The following N4BP2L2 variants were observed in gnomAD, a reference collection of about 807,000 sequenced individuals.
N4BP2L2 encodes the protein NEDD4 binding protein 2 like 2.
Under a neutral mutation model 56.2 loss-of-function variants are expected in N4BP2L2, and 50 were observed. The ratio of observed to expected loss-of-function variants is 0.89; its 90% CI spans 0.71 to 1.13. The LOEUF is 1.13. Ranked by LOEUF, N4BP2L2 falls within the 50% of genes most tolerant of loss-of-function variation. The pLI is 0.00. For synonymous variants in N4BP2L2, 203 were observed against 223.6 expected, an observed-to-expected ratio of 0.91 and a Z score of 0.82; for missense variants, 689 against 693.8, an observed-to-expected ratio of 0.99 and a Z score of 0.08.
chr13:32,484,643 C>A (rs1329106244), intron 6 of N4BP2L2, among the ~76,000 whole-genome samples: 1 of 152,062 alleles, frequency 6.6e-6, no homozygotes, highest in African/African-American at 2.4e-5. Flanking sequence ...CGCCACCACG[C>A]CCAGCTAATT....
At chr13:32,531,020 G>C (rs2054622998) in intron 2 of N4BP2L2, among the ~76,000 whole-genome samples, 1 of 152,074 alleles carries the variant, frequency 6.6e-6, no homozygotes, top group African/African-American at 2.4e-5. Context: ...GAAGCCTCCA[G>C]TCTCTAGCCA....
intron 6 of N4BP2L2, among the ~76,000 whole-genome samples, chr13:32,465,533 C>T (rs903434165): frequency 2.7e-5 from 4 of 150,288 alleles, no homozygotes. Context: ...GTCATACACA[C>T]AGCCACAAAA....
In N4BP2L2 at chr13:32,466,669, A is replaced by T. The variant is rs116589973; in HGVS notation, c.366-22543T>A. ...TTTATGCTATAAAGAAAAGGAAGGG[A>T]TCAACAAATACAAAACTCAAGATAG... On this transcript the variant is annotated intron_variant, in intron 6 of 9. Transcript: ENST00000357505. 9.1e-4 allele frequency among the ~76,000 whole-genome samples: 139 copies of T among 152,356 alleles called. 2 individuals are homozygous for T. Among genetic ancestry groups the T allele is most frequent in the African/African-American group, 3.3e-3 (138 of 41,586 alleles).
intron 6 of N4BP2L2, among the ~76,000 whole-genome samples, chr13:32,450,450 A>G (rs1217425583): frequency 6.6e-6 from 1 of 150,712 alleles, no homozygotes; most frequent in Non-Finnish European, 1.5e-5. Context: ...TCAGCCTCCC[A>G]AGTAGCTGGG....
At chr13:32,484,055 A>G (rs1402904136) in intron 6 of N4BP2L2, among the ~76,000 whole-genome samples, 1 of 152,026 alleles carries the variant, frequency 6.6e-6, no homozygotes, top group Non-Finnish European at 1.5e-5. Flanking sequence ...AACTTACATA[A>G]TCCAAGCACT....
intron 1 of N4BP2L2, among the ~76,000 whole-genome samples, chr13:32,537,243 T>C (rs1401452165): frequency 1.3e-5 from 2 of 151,730 alleles, no homozygotes; most frequent in African/African-American, 2.4e-5. Context: ...AATATCCTTT[T>C]TGAAAAATAT....
At chr13:32,442,806 A>G (rs1426902645) in exon 7 of N4BP2L2, 9 of 1,613,854 alleles carry the variant, frequency 5.6e-6, no homozygotes, top group Non-Finnish European at 7.6e-6. Flanking sequence ...ATGACAGGCA[A>G]TGAGAATAAC....
chr13:32,486,324 C>G (rs1211042093), intron 6 of N4BP2L2, among the ~76,000 whole-genome samples: 1 of 152,086 alleles, frequency 6.6e-6, no homozygotes, highest in African/African-American at 2.4e-5. Context: ...TGTCTATTTG[C>G]AGATAATAGG....
chr13:32,461,410 C>G (rs979674061), intron 6 of N4BP2L2, among the ~76,000 whole-genome samples: 2 of 151,988 alleles, frequency 1.3e-5, no homozygotes, highest in African/African-American at 4.8e-5. Context: ...ACTCAAACAA[C>G]AGCAACCCAA....
chr13:32,470,111 G>A (rs965840854), intron 6 of N4BP2L2, among the ~76,000 whole-genome samples: 4 of 152,154 alleles, frequency 2.6e-5, no homozygotes, highest in African/African-American at 9.7e-5. Context: ...TATGCATTGT[G>A]TATCTCTCCC....
chr13:32,504,047 C>T (rs929544321), intron 6 of N4BP2L2, among the ~76,000 whole-genome samples: 1 of 152,072 alleles, frequency 6.6e-6, no homozygotes, highest in Non-Finnish European at 1.5e-5. Context: ...AATTCTGAAC[C>T]TGGGGTCCCC....
At chr13:32,509,665 C>A (rs2091466995), downstream of N4BP2L2, among the ~76,000 whole-genome samples, 1 of 152,154 alleles carries the variant, frequency 6.6e-6, no homozygotes, top group African/African-American at 2.4e-5. Flanking sequence ...AGATAAATGT[C>A]TTAACTGCAT....
chr13:32,512,949 G>C (rs375182769), exon 6 of N4BP2L2: 5 of 151,950 alleles, frequency 3.3e-5, no homozygotes, highest in Non-Finnish European at 7.4e-5. Context: ...GGAGAATGGC[G>C]TGAACCCGGG....
chr13:32,459,774 G>A (rs1305061680), intron 6 of N4BP2L2, among the ~76,000 whole-genome samples: 1 of 152,024 alleles, frequency 6.6e-6, no homozygotes, highest in Admixed American at 6.6e-5. Context: ...CAAAAAAAAT[G>A]AAGAGGAGGG....
intron 6 of N4BP2L2, among the ~76,000 whole-genome samples, chr13:32,475,372 C>T (rs1050300132): frequency 1.3e-5 from 2 of 152,136 alleles, no homozygotes; most frequent in Admixed American, 6.6e-5. Flanking sequence ...AGAAAGCTTC[C>T]TCATGCAGAG....
At chr13:32,442,304 C>G in intron 7 of N4BP2L2, 1 of 1,198,888 alleles carries the variant, frequency 8.3e-7, no homozygotes. Context: ...CATGAGATCA[C>G]TAACCACCAG....
chr13:32,492,744 G>A (rs549107273), intron 6 of N4BP2L2, among the ~76,000 whole-genome samples: 21 of 152,028 alleles, frequency 1.4e-4, no homozygotes, highest in Non-Finnish European at 2.5e-4. Flanking sequence ...AAACATGAGC[G>A]TAAGAAATAA....
intron 6 of N4BP2L2, among the ~76,000 whole-genome samples, chr13:32,485,495 A>G: frequency 6.6e-6 from 1 of 152,200 alleles, no homozygotes; most frequent in East Asian, 1.9e-4. Context: ...CAAAAACAGA[A>G]ATATACAAAC....
intron 6 of N4BP2L2, among the ~76,000 whole-genome samples, chr13:32,457,379 G>C (rs1267920921): frequency 6.6e-6 from 1 of 152,086 alleles, no homozygotes; most frequent in Non-Finnish European, 1.5e-5. Context: ...GATACAGGAA[G>C]CTCAGGGAAA....
Sources: allele counts gnomAD v4.1 joint callset (sites outside exome capture counted in the v4.1 genomes callset), GRCh38; gene constraint gnomAD v4.1.1; transcripts MANE v1.5; gene names NCBI Gene and HGNC (gene_info 2026-07-23, HGNC 2026-07-21).